Variants in ITFG1 observed in about 807,000 individuals in gnomAD.
The protein encoded by ITFG1 is integrin alpha FG-GAP repeat containing 1.
ITFG1 carries 34 observed loss-of-function variants against 81.8 expected under a neutral mutation model. The ratio of observed to expected loss-of-function variants is 0.42; its 90% confidence interval spans 0.32 to 0.55. The LOEUF (loss-of-function observed/expected upper bound fraction) is 0.55, where lower values mean the gene tolerates loss of function less well. Among genes scored for constraint, ITFG1 ranks in the 20% least tolerant of loss-of-function variants. The pLI is 0.17. For synonymous variants in ITFG1, 285 were observed against 270.6 expected (o/e 1.05, Z -0.52); for missense variants, 672 against 755.4 (o/e 0.89, Z 1.29).
intron 8 of ITFG1, among the ~76,000 whole-genome samples, chr16:47,358,361 G>A (rs1968067599): frequency 6.6e-6 from 1 of 152,196 alleles, no homozygotes; most frequent in Non-Finnish European, 1.5e-5. Context: ...ATATTAAGAA[G>A]CTGTACAAAT....
intron 5 of ITFG1, among the ~76,000 whole-genome samples, chr16:47,442,557 A>T (rs184358785): frequency 6.6e-6 from 1 of 152,350 alleles, no homozygotes; most frequent in Admixed American, 6.5e-5. Flanking sequence ...ACAGAAATAT[A>T]GACCAATGGA....
At chr16:47,368,769 T>G (rs1335675459) in intron 7 of ITFG1, among the ~76,000 whole-genome samples, 1 of 152,132 alleles carries the variant, frequency 6.6e-6, no homozygotes, top group African/African-American at 2.4e-5. Flanking sequence ...TAGAAATATA[T>G]AGATATAACC....
At chr16:47,183,783 C>T (rs1324558088) in intron 14 of ITFG1, among the ~76,000 whole-genome samples, 20 of 152,162 alleles carry the variant, frequency 1.3e-4, no homozygotes, top group African/African-American at 2.9e-4. Flanking sequence ...CAAAGCTGGA[C>T]GGAGAATGAC....
chr16:47,415,748 G>A (rs371581769), intron 6 of ITFG1, among the ~76,000 whole-genome samples: 22 of 152,176 alleles, frequency 1.4e-4, no homozygotes, highest in East Asian at 9.7e-4. Flanking sequence ...AAAAATGAGA[G>A]AAATAAGCAC....
At chr16:47,431,241 C>G (rs1263119959) in intron 5 of ITFG1, among the ~76,000 whole-genome samples, 1 of 152,160 alleles carries the variant, frequency 6.6e-6, no homozygotes, top group Non-Finnish European at 1.5e-5. Flanking sequence ...ACTACAGGTC[C>G]ATGGCTTTTT....
chr16:47,174,643 C>T (rs1965001888), intron 14 of ITFG1, among the ~76,000 whole-genome samples: 1 of 152,156 alleles, frequency 6.6e-6, no homozygotes, highest in Non-Finnish European at 1.5e-5. Context: ...GCCTCAGCCT[C>T]CTGAGTAGCA....
chr16:47,298,877 T>A (rs1967026552), intron 10 of ITFG1, among the ~76,000 whole-genome samples: 1 of 152,198 alleles, frequency 6.6e-6, no homozygotes, highest in African/African-American at 2.4e-5. Flanking sequence ...GCTTTCAGTG[T>A]CCCAGGTGGT....
At chr16:47,237,414 A>C (rs920765016) in intron 13 of ITFG1, among the ~76,000 whole-genome samples, 1 of 152,168 alleles carries the variant, frequency 6.6e-6, no homozygotes, top group African/African-American at 2.4e-5. Flanking sequence ...TTCCCTGTAC[A>C]CACACACAAA....
At chr16:47,350,661 C>A (rs1967938415) in intron 8 of ITFG1, among the ~76,000 whole-genome samples, 1 of 152,182 alleles carries the variant, frequency 6.6e-6, no homozygotes, top group Non-Finnish European at 1.5e-5. Context: ...ACCATTCCTT[C>A]TGAAACTATT....
chr16:47,378,381 T>C (rs1968353779), intron 6 of ITFG1, among the ~76,000 whole-genome samples: 2 of 152,208 alleles, frequency 1.3e-5, no homozygotes, highest in Non-Finnish European at 2.9e-5. Context: ...TGACCACATA[T>C]GGTTAAGATA....
intron 7 of ITFG1, among the ~76,000 whole-genome samples, chr16:47,370,792 G>A (rs1272287758): frequency 1.3e-5 from 2 of 152,236 alleles, no homozygotes; most frequent in Non-Finnish European, 2.9e-5. Context: ...GGTCGAGAGG[G>A]CAGTGCCAGC....
chr16:47,440,755 C>G (rs1168257342), intron 5 of ITFG1, among the ~76,000 whole-genome samples: 1 of 151,778 alleles, frequency 6.6e-6, no homozygotes, highest in Non-Finnish European at 1.5e-5. Context: ...AAATTGACAC[C>G]CTAATATCAC....
At chr16:47,421,910 T>C (rs973715006) in intron 6 of ITFG1, among the ~76,000 whole-genome samples, 2 of 152,184 alleles carry the variant, frequency 1.3e-5, no homozygotes, top group Non-Finnish European at 2.9e-5. Context: ...CTGCCACCTG[T>C]GAGTGAGAAC....
At chr16:47,403,227 C>G (rs937699428) in intron 6 of ITFG1, among the ~76,000 whole-genome samples, 3 of 151,052 alleles carry the variant, frequency 2.0e-5, no homozygotes, top group African/African-American at 7.3e-5. Flanking sequence ...AGGTTACCTA[C>G]CTTTTTTTTT....
intron 8 of ITFG1, among the ~76,000 whole-genome samples, chr16:47,322,500 C>A (rs965599897): frequency 1.3e-5 from 2 of 152,102 alleles, no homozygotes; most frequent in Non-Finnish European, 2.9e-5. Flanking sequence ...ACCAGCCTGG[C>A]CAACATGGCA....
intron 10 of ITFG1, among the ~76,000 whole-genome samples, chr16:47,269,424 G>C (rs111250408): frequency 6.7e-6 from 1 of 150,010 alleles, no homozygotes; most frequent in Non-Finnish European, 1.5e-5. Context: ...CATGACAGGA[G>C]GATTGCTTGA....
At position 47,376,964 on chromosome 16, in the gene ITFG1, C is replaced by CAAAAAAAAAAAAAAAAAAAAAAAAAAAAA. The variant is rs1222007051; in HGVS notation, c.656-1025_656-1024insTTTTTTTTTTTTTTTTTTTTTTTTTTTTT. Among the ~76,000 whole-genome samples the CAAAAAAAAAAAAAAAAAAAAAAAAAAAAA allele has an allele frequency of 1.7e-4, 3 of 18,076 alleles. 1 individual carries two copies. The highest frequency in any genetic ancestry group is 3.7e-4 in the African/African-American group (3 of 8,046). The allele number at this position is 18,076 out of a possible 152,430, so 11.9% of individuals were successfully genotyped here. A position where few individuals can be genotyped will look rare whatever the true frequency, so the allele number is the denominator to read the frequency against. Reference sequence around the variant, plus strand: ...GAGACAGAGGGAGACTCTGTCTCCCCAAAAAAAAAAAAAAAAAAAAAAAAA... The same window carrying CAAAAAAAAAAAAAAAAAAAAAAAAAAAAA: ...GAGACAGAGGGAGACTCTGTCTCCCCAAAAAAAAAAAAAAAAAAAAAAAAAAAAAAAAAAAAAAAAAAAAAAAAAAAAAA... On this transcript the variant is annotated intron_variant, in intron 6 of 17. Transcript: ENST00000320640.
chr16:47,176,872 TAAAAA>T (rs1350006117), intron 14 of ITFG1, among the ~76,000 whole-genome samples: 2 of 152,236 alleles, frequency 1.3e-5, no homozygotes, highest in Admixed American at 1.3e-4. Flanking sequence ...AATTAACAAT[TAAAAA>T]ATACACTATC....
At chr16:47,211,977 T>C (rs1347844106) in intron 14 of ITFG1, among the ~76,000 whole-genome samples, 3 of 151,868 alleles carry the variant, frequency 2.0e-5, no homozygotes, top group African/African-American at 7.3e-5. Context: ...CCCAGGCTGG[T>C]CTCAAATTCC....
Sources: gnomAD v4.1 joint callset for allele counts (sites outside exome capture counted in the v4.1 genomes callset) on GRCh38, gnomAD v4.1.1 for gene constraint, MANE v1.5 for transcripts, NCBI Gene and HGNC (gene_info 2026-07-23, HGNC 2026-07-21) for gene names.